ZNF804A: variants seen among roughly 807,000 people sequenced by gnomAD.
ZNF804A encodes zinc finger protein 804A.
In ZNF804A, 2 loss-of-function variants were observed where a neutral mutation model predicts 16.5. The ratio of observed to expected loss-of-function variants is 0.12; its 90% CI spans 0.05 to 0.38. The LOEUF (loss-of-function observed/expected upper bound fraction) is 0.38. Ranked by LOEUF, ZNF804A falls within the 10% of genes least tolerant of loss-of-function variation. The probability of loss-of-function intolerance (pLI) is 0.99; values close to 1 mark genes in which losing one functional copy is unlikely to be tolerated. For synonymous variants in ZNF804A, 534 were observed against 489.6 expected, an observed-to-expected ratio of 1.09 and a Z score of -1.20; for missense variants, 1,473 against 1,390.7, an observed-to-expected ratio of 1.06 and a Z score of -0.94.
At chr2:184,890,219 G>A (rs1186542433) in intron 2 of ZNF804A, among the ~76,000 whole-genome samples, 1 of 152,136 alleles carries the variant, frequency 6.6e-6, no homozygotes, top group African/African-American at 2.4e-5. Context: ...TTTTAAAAAT[G>A]TTACTGTGTT....
At position 184,936,549 on chromosome 2, in the gene ZNF804A, G is replaced by A. The variant is rs769523473; in HGVS notation, c.1153G>A (p.Ala385Thr). Residue 385 changes from alanine to threonine, a missense_variant, in exon 4 of 4, where the codon GCA becomes ACA. Coordinates refer to ENST00000302277, the MANE Select transcript of ZNF804A (RefSeq NM_194250.2). ...AGAGGAAAATGTTAAGCATAACGAGGCATCCACAACTGAGGTTGAAAATAA... is the reference window on the plus strand; with the variant it reads ...AGAGGAAAATGTTAAGCATAACGAGACATCCACAACTGAGGTTGAAAATAA... ...TTEENVKHNE[A>T]STTEVENKNG... 9.9e-6 allele frequency: 16 copies of A among 1,613,980 alleles called. No homozygotes were observed. The highest frequency in any genetic ancestry group is 1.3e-5 in the African/African-American group (1 of 75,030).
intron 1 of ZNF804A, among the ~76,000 whole-genome samples, chr2:184,751,527 A>T (rs1176767340): frequency 6.6e-6 from 1 of 151,460 alleles, no homozygotes; most frequent in Non-Finnish European, 1.5e-5. Context: ...ACACTACATC[A>T]AATTAACAAG....
chr2:184,637,037 G>A (rs1195733513), intron 1 of ZNF804A, among the ~76,000 whole-genome samples: 1 of 151,942 alleles, frequency 6.6e-6, no homozygotes, highest in African/African-American at 2.4e-5. Flanking sequence ...TGCTTTCATA[G>A]TGATGATCTA....
In ZNF804A at chr2:184,817,685, A is replaced by G. The variant is rs1558970571; in HGVS notation, c.112-48684A>G. Among the ~76,000 whole-genome samples, 5 of 152,110 alleles carry G rather than the reference A, an allele frequency of 3.3e-5. No individual in the cohort carries two copies. The South Asian group carries it at 1.0e-3, about 32-fold the overall frequency. On this transcript the variant is annotated intron_variant, in intron 1 of 3. Coordinates refer to ENST00000302277, the MANE Select transcript of ZNF804A (RefSeq NM_194250.2). ...TAAAGCAATACAGGAGCTGATAACG[A>G]GAAGAGCCAGTTTAGAGAGGAGCAT...
chr2:184,667,661 A>G (rs974741204), intron 1 of ZNF804A, among the ~76,000 whole-genome samples: 44 of 151,856 alleles, frequency 2.9e-4, no homozygotes, highest in African/African-American at 1.1e-3. Flanking sequence ...TCAAAAATGT[A>G]TACGAATTAA....
chr2:184,837,683 T>C (rs1379120750), intron 1 of ZNF804A, among the ~76,000 whole-genome samples: 2 of 152,172 alleles, frequency 1.3e-5, no homozygotes, highest in African/African-American at 4.8e-5. Context: ...AAAAATATTA[T>C]GATCTATCAT....
At chr2:184,750,613 G>T (rs1041814357) in intron 1 of ZNF804A, among the ~76,000 whole-genome samples, 2 of 151,248 alleles carry the variant, frequency 1.3e-5, no homozygotes, top group Non-Finnish European at 3.0e-5. Flanking sequence ...CACAATCCAT[G>T]TCATAAACTT....
At chr2:184,872,918 T>C (rs1695997622) in intron 2 of ZNF804A, among the ~76,000 whole-genome samples, 1 of 152,168 alleles carries the variant, frequency 6.6e-6, no homozygotes, top group Non-Finnish European at 1.5e-5. Context: ...TGGAACAGAA[T>C]ATAGAGCTGT....
chr2:184,814,561 T>C (rs1694950154), intron 1 of ZNF804A, among the ~76,000 whole-genome samples: 2 of 152,056 alleles, frequency 1.3e-5, no homozygotes, highest in South Asian at 2.1e-4. Context: ...CTCCACATTA[T>C]AGGAAATGAG....
intron 1 of ZNF804A, among the ~76,000 whole-genome samples, chr2:184,663,915 T>A (rs556264687): frequency 6.6e-6 from 1 of 152,094 alleles, no homozygotes; most frequent in Non-Finnish European, 1.5e-5. Flanking sequence ...GAGCAAATGA[T>A]TATAGGAAAG....
At chr2:184,605,357 A>C (rs1691128577) in intron 1 of ZNF804A, among the ~76,000 whole-genome samples, 1 of 152,148 alleles carries the variant, frequency 6.6e-6, no homozygotes, top group Non-Finnish European at 1.5e-5. Context: ...TCTTCCTAAA[A>C]ATTTTAACCT....
At chr2:184,724,793 C>CA (rs1472824254) in intron 1 of ZNF804A, among the ~76,000 whole-genome samples, 1 of 151,314 alleles carries the variant, frequency 6.6e-6, no homozygotes, top group Admixed American at 6.6e-5. Flanking sequence ...AGGAACGACA[C>CA]AAAAAAAGAC....
At chr2:184,727,121 T>C (rs1693426505) in intron 1 of ZNF804A, among the ~76,000 whole-genome samples, 2 of 151,610 alleles carry the variant, frequency 1.3e-5, no homozygotes, top group South Asian at 4.1e-4. Context: ...TCAGAACATA[T>C]GTTAGCATTT....
intron 1 of ZNF804A, among the ~76,000 whole-genome samples, chr2:184,705,019 C>T (rs1456553214): frequency 6.6e-6 from 1 of 152,164 alleles, no homozygotes; most frequent in East Asian, 1.9e-4. Flanking sequence ...GTTAATACTC[C>T]TGCTCTTTCA....
chr2:184,702,695 G>A (rs190095797), intron 1 of ZNF804A, among the ~76,000 whole-genome samples: 77 of 152,104 alleles, frequency 5.1e-4, no homozygotes, highest in Non-Finnish European at 2.9e-4. Context: ...TACATATGTC[G>A]TAAAGTATCC....
At chr2:184,792,958 A>G (rs1317558927) in intron 1 of ZNF804A, among the ~76,000 whole-genome samples, 2 of 151,922 alleles carry the variant, frequency 1.3e-5, no homozygotes, top group South Asian at 4.2e-4. Context: ...CACAGTGTCT[A>G]TTGTTCCCCA....
intron 1 of ZNF804A, among the ~76,000 whole-genome samples, chr2:184,689,261 T>C (rs1222781562): frequency 2.0e-5 from 3 of 152,146 alleles, no homozygotes; most frequent in African/African-American, 7.2e-5. Flanking sequence ...ATACTCCAAA[T>C]ACAATATTTC....
chr2:184,904,132 G>C (rs572654002), intron 2 of ZNF804A, among the ~76,000 whole-genome samples: 8 of 151,896 alleles, frequency 5.3e-5, no homozygotes, highest in African/African-American at 1.9e-4. Flanking sequence ...CCATCAAAAA[G>C]AATGAAATAC....
chr2:184,930,447 G>A (rs1052551228), intron 2 of ZNF804A, among the ~76,000 whole-genome samples: 1 of 152,086 alleles, frequency 6.6e-6, no homozygotes, highest in Admixed American at 6.6e-5. Context: ...ATATGTCAGT[G>A]CAAATGAGCA....
Sources: gnomAD v4.1 joint callset for allele counts (sites outside exome capture counted in the v4.1 genomes callset) on GRCh38, gnomAD v4.1.1 for gene constraint, MANE v1.5 for transcripts, NCBI Gene and HGNC (gene_info 2026-07-23, HGNC 2026-07-21) for gene names.